The following WASHC2A variants were observed in gnomAD, a reference collection of about 807,000 sequenced individuals.
WASHC2A encodes the protein WASH complex subunit 2A, also known as WASH complex subunit FAM21A.
A neutral mutation model predicts 140.3 loss-of-function variants in WASHC2A; 82 were observed. That is an observed-to-expected ratio of 0.58 (90% CI 0.49 to 0.70). WASHC2A has a LOEUF of 0.70. Among genes scored for constraint, WASHC2A ranks in the 30% least tolerant of loss-of-function variants. WASHC2A has a pLI of 0.00. For missense variants in WASHC2A, 985 were observed against 1,521.8 expected, an observed-to-expected ratio of 0.65 and a Z score of 5.87; for synonymous variants, 340 against 560.8, an observed-to-expected ratio of 0.61 and a Z score of 5.56.
chr10:50,102,587 A>T (rs1391101732), intron 17 of WASHC2A, among the ~76,000 whole-genome samples: 14 of 151,668 alleles, frequency 9.2e-5, no homozygotes, highest in Admixed American at 8.5e-4. Context: ...GCACAGGGGA[A>T]AAACACTGTG....
Position 50,132,771 on chromosome 10 carries a change from T to C in WASHC2A, c.3887-35T>C, listed in dbSNP as rs1448775882. 327 of 1,612,040 alleles carry C rather than the reference T, an allele frequency of 2.0e-4. No individual in the cohort carries two copies. The African/African-American group carries it at 3.8e-3, about 19-fold the overall frequency. On this transcript the variant is annotated intron_variant, in intron 30 of 30. Coordinates refer to ENST00000282633, the MANE Select transcript of WASHC2A (RefSeq NM_001005751.3). ...TCTTAAAAGTACCTTTCTCCACCCCTCTTCAGCAACCGTTCTTCTTTTTTC... is the reference window on the plus strand; with the variant it reads ...TCTTAAAAGTACCTTTCTCCACCCCCCTTCAGCAACCGTTCTTCTTTTTTC...
intron 20 of WASHC2A, among the ~76,000 whole-genome samples, chr10:50,110,663 TG>T (rs1383693380): frequency 6.6e-6 from 1 of 151,900 alleles, no homozygotes; most frequent in Non-Finnish European, 1.5e-5. Flanking sequence ...GAGGCCGAGG[TG>T]GGCGGATCAC....
rs1589216641 is a variant in WASHC2A, at chr10:50,098,401, T to C, written c.1548+599T>C. 2.0e-5 allele frequency among the ~76,000 whole-genome samples: 3 copies of C among 149,766 alleles called. No individual in the cohort carries two copies. The South Asian group carries it at 6.5e-4, about 32-fold the overall frequency. ...TTTGGCATTAGGGACATAAGGAGAG[T>C]GCAACCTGCAATCTAGATCCCTCAC... On this transcript the variant is annotated intron_variant, in intron 16 of 30. Coordinates refer to ENST00000282633, the MANE Select transcript of WASHC2A (RefSeq NM_001005751.3).
chr10:50,070,820 G>C (rs1837732370), intron 3 of WASHC2A, among the ~76,000 whole-genome samples: 1 of 123,764 alleles, frequency 8.1e-6, no homozygotes, highest in South Asian at 3.2e-4. Context: ...ACCTGAGGTT[G>C]GGAGTTCGAG....
intron 21 of WASHC2A, among the ~76,000 whole-genome samples, chr10:50,115,722 C>T (rs1414512538): frequency 1.4e-5 from 2 of 143,588 alleles, no homozygotes; most frequent in East Asian, 2.1e-4. Context: ...GTTCAGCTTT[C>T]GTTCATAGGC....
In WASHC2A at chr10:50,100,040, A is replaced by AT; in HGVS notation, c.1615dup (p.Ser539PhefsTer3). 1 of 1,555,780 alleles carries AT rather than the reference A, an allele frequency of 6.4e-7. No homozygotes were observed. The highest frequency in any genetic ancestry group is 8.7e-7 in the Non-Finnish European group (1 of 1,151,356). On this transcript the variant is annotated frameshift_variant, in exon 17 of 31. Coordinates refer to ENST00000282633, the MANE Select transcript of WASHC2A (RefSeq NM_001005751.3). LOFTEE classifies it high-confidence loss of function. ...CAGAAACAAAGACTCAAAAAGGCTT[A>AT]TTTTCAGATGAGGAGGACTCTGAGG...
At chr10:50,108,921 G>T (rs1268475876) in intron 19 of WASHC2A, among the ~76,000 whole-genome samples, 4 of 147,940 alleles carry the variant, frequency 2.7e-5, no homozygotes, top group South Asian at 2.2e-4. Context: ...AAGAAGACCT[G>T]ACGAGTGCTG....
intron 26 of WASHC2A, among the ~76,000 whole-genome samples, 175 bp from the exon 27 acceptor site, chr10:50,126,985 T>C (rs1229128035): frequency 6.6e-6 from 1 of 152,154 alleles, no homozygotes; most frequent in Non-Finnish European, 1.5e-5. Flanking sequence ...GGAGGAGGCA[T>C]ACGTGAAGTA....
At chr10:50,126,639 C>T (rs1282761927) in intron 26 of WASHC2A, 8 of 297,084 alleles carry the variant, frequency 2.7e-5, no homozygotes, top group Non-Finnish European at 5.1e-5. Flanking sequence ...CTGGGAACAG[C>T]CCAGGACTGG....
At chr10:50,109,793 A>G (rs1842112496) in intron 19 of WASHC2A, among the ~76,000 whole-genome samples, 1 of 152,088 alleles carries the variant, frequency 6.6e-6, no homozygotes, top group Non-Finnish European at 1.5e-5. Flanking sequence ...TTTTTGAGAC[A>G]GAGTCTCGCT....
Position 50,120,465 on chromosome 10 carries a change from C to CA in WASHC2A, c.2478+702dup, listed in dbSNP as rs1335691306. 3.2e-4 allele frequency among the ~76,000 whole-genome samples: 47 copies of CA among 145,624 alleles called. 3 individuals carry two copies. The highest frequency in any genetic ancestry group is 1.2e-3 in the African/African-American group (44 of 36,844). On this transcript the variant is annotated intron_variant, in intron 23 of 30. Coordinates refer to ENST00000282633, the MANE Select transcript of WASHC2A (RefSeq NM_001005751.3). ...TGAAACCCTGTTTCTACTAAAAATACAAAAAATAGCTTGGCGTGATGACGC... is the reference window on the plus strand; with the variant it reads ...TGAAACCCTGTTTCTACTAAAAATACAAAAAAATAGCTTGGCGTGATGACGC...
chr10:50,104,148 A>T lies in WASHC2A; in HGVS notation c.1737+5A>T. 1 of 1,493,946 alleles carries T rather than the reference A, an allele frequency of 6.7e-7. No individual in the cohort carries two copies. 92.5% of individuals were successfully genotyped at this position (1,493,946 alleles called of 1,614,324 possible). On this transcript the variant is annotated splice_donor_5th_base_variant and intron_variant, in intron 18 of 30. Coordinates refer to ENST00000282633, the MANE Select transcript of WASHC2A (RefSeq NM_001005751.3). ...TTTGATGATGAAGATGAAGAGGTAA[A>T]CATTGTTATTGTAACACTAGATAAT...
chr10:50,090,112 A>G (rs1382409821), intron 8 of WASHC2A, among the ~76,000 whole-genome samples: 98 of 152,090 alleles, frequency 6.4e-4, no homozygotes, highest in African/African-American at 2.4e-3. Flanking sequence ...CTCCTTCTCA[A>G]AAATAAATAA....
In WASHC2A at chr10:50,132,943, T is replaced by A. The variant is rs1844114690; in HGVS notation, c.4024T>A (p.Ter1342LysextTer53). ...DDPLNAFGGQ[*>K] ...TCCCCTGAATGCCTTTGGAGGCCAGTAGAGCACACAGGGTATCCACATGTT... is the reference window on the plus strand; with the variant it reads ...TCCCCTGAATGCCTTTGGAGGCCAGAAGAGCACACAGGGTATCCACATGTT... Residue 1342 changes from the stop codon to lysine, a stop_lost, in exon 31 of 31, where the codon TAG becomes AAG. Transcript: ENST00000282633. 1 of 1,611,930 alleles carries A rather than the reference T, an allele frequency of 6.2e-7. No homozygotes were observed. The highest frequency in any genetic ancestry group is 1.3e-5 in the African/African-American group (1 of 74,856).
intron 28 of WASHC2A, among the ~76,000 whole-genome samples, chr10:50,128,211 A>G (rs1325309496): frequency 6.6e-6 from 1 of 151,576 alleles, no homozygotes; most frequent in Admixed American, 6.6e-5. Context: ...CCATGTGTGC[A>G]GCTTCCTCAC....
chr10:50,073,116 A>G (rs1159899368), intron 3 of WASHC2A, among the ~76,000 whole-genome samples: 1 of 152,184 alleles, frequency 6.6e-6, no homozygotes, highest in Non-Finnish European at 1.5e-5. Flanking sequence ...TCTAGTGTCT[A>G]ATTAGAAGGC....
intron 5 of WASHC2A, among the ~76,000 whole-genome samples, chr10:50,082,630 A>C (rs1228465870): frequency 1.3e-5 from 2 of 150,684 alleles, no homozygotes; most frequent in African/African-American, 4.9e-5. Context: ...GGCATGTAAC[A>C]TGACACCTGG....
intron 8 of WASHC2A, 34 bp from the exon 9 acceptor site, chr10:50,090,730 TTAGCTTAATAAC>T (rs1385648411): frequency 6.4e-7 from 1 of 1,559,170 alleles, no homozygotes; most frequent in Non-Finnish European, 8.6e-7. Context: ...TATCTCTTCT[TTAGCTTAATAAC>T]TAGTAGTTCT....
chr10:50,095,618 T>C lies in WASHC2A; in HGVS notation c.1260T>C (p.Gly420=). The change falls in exon 15 of 31, where the codon GGT becomes GGC. Residue 420 remains glycine (G), a synonymous_variant. Transcript: ENST00000282633. ...SVFLGDTDVF[G]AASVPSMKEP... is the part of the protein sequence containing the mutation. ...CCACAGGAGACACGGATGTGTTTGG[T>C]GCTGCCTCCGTTCCATCAATGAAGG... 1.9e-6 allele frequency: 3 copies of C among 1,611,932 alleles called. No homozygotes were observed. The highest frequency in any genetic ancestry group is 2.5e-6 in the Non-Finnish European group (3 of 1,179,856).
Sources: gnomAD v4.1 joint callset for allele counts (sites outside exome capture counted in the v4.1 genomes callset) on GRCh38, gnomAD v4.1.1 for gene constraint, MANE v1.5 for transcripts, NCBI Gene and HGNC (gene_info 2026-07-23, HGNC 2026-07-21) for gene names.